CCSER1: variants seen among roughly 807,000 people sequenced by gnomAD.
CCSER1 encodes serine-rich coiled-coil domain-containing protein 1.
Under a neutral mutation model 82.0 loss-of-function variants are expected in CCSER1, and 41 were observed. The ratio of observed to expected loss-of-function variants is 0.50; its 90% CI spans 0.39 to 0.65. The LOEUF is 0.65. Ranked by LOEUF, CCSER1 falls within the 30% of genes least tolerant of loss-of-function variation. CCSER1 has a pLI of 0.00. For missense variants in CCSER1, 1,119 were observed against 1,064.2 expected (o/e 1.05, Z -0.72); for synonymous variants, 414 against 383.9 (o/e 1.08, Z -0.92).
intron 6 of CCSER1, among the ~76,000 whole-genome samples, chr4:90,694,575 A>G (rs1007358401): frequency 6.6e-6 from 1 of 152,022 alleles, no homozygotes. Flanking sequence ...GTTTTGTGCA[A>G]TTGCTCAAAG....
At chr4:90,880,263 G>A (rs1057200899) in intron 8 of CCSER1, among the ~76,000 whole-genome samples, 9 of 152,136 alleles carry the variant, frequency 5.9e-5, no homozygotes, top group Non-Finnish European at 1.0e-4. Context: ...AACACCAGAG[G>A]AAGGAACCTT....
chr4:90,444,027 GT>G (rs1290438235), intron 4 of CCSER1, among the ~76,000 whole-genome samples: 2 of 151,980 alleles, frequency 1.3e-5, no homozygotes, highest in Non-Finnish European at 2.9e-5. Flanking sequence ...GTGAATTTGT[GT>G]TTTGGGACAA....
At chr4:91,115,330 C>CT (rs1159601333) in intron 10 of CCSER1, among the ~76,000 whole-genome samples, 1 of 151,698 alleles carries the variant, frequency 6.6e-6, no homozygotes, top group African/African-American at 2.4e-5. Context: ...TTTTTTCTTT[C>CT]TTTTTTTTCT....
At chr4:91,427,725 A>G (rs1754070932) in intron 10 of CCSER1, among the ~76,000 whole-genome samples, 1 of 152,154 alleles carries the variant, frequency 6.6e-6, no homozygotes, top group South Asian at 2.1e-4. Context: ...ATAAAATAAT[A>G]TAATAATTGT....
At chr4:90,874,702 C>A (rs370280936) in intron 8 of CCSER1, among the ~76,000 whole-genome samples, 1 of 152,136 alleles carries the variant, frequency 6.6e-6, no homozygotes, top group African/African-American at 2.4e-5. Flanking sequence ...CCCTTGTTTT[C>A]TTCTCCTTGC....
intron 6 of CCSER1, among the ~76,000 whole-genome samples, chr4:90,655,627 C>T (rs1029031177): frequency 6.6e-6 from 1 of 151,854 alleles, no homozygotes; most frequent in Non-Finnish European, 1.5e-5. Flanking sequence ...TCTGGTCTGA[C>T]CTAGATCTTT....
intron 4 of CCSER1, among the ~76,000 whole-genome samples, chr4:90,449,812 G>C (rs944160732): frequency 6.6e-6 from 1 of 152,218 alleles, no homozygotes; most frequent in Non-Finnish European, 1.5e-5. Context: ...CCCAGAGAGT[G>C]CATGGATGCC....
At chr4:90,878,523 A>G (rs1356590512) in intron 8 of CCSER1, among the ~76,000 whole-genome samples, 1 of 152,128 alleles carries the variant, frequency 6.6e-6, no homozygotes, top group Non-Finnish European at 1.5e-5. Context: ...AATGAATAAT[A>G]TATCTGGGAA....
At chr4:91,145,814 G>A (rs543100213) in intron 10 of CCSER1, among the ~76,000 whole-genome samples, 2 of 152,228 alleles carry the variant, frequency 1.3e-5, no homozygotes, top group East Asian at 1.9e-4. Flanking sequence ...TCAAGCCAAG[G>A]TGTCAACTGT....
At chr4:90,922,697 A>G (rs144703038) in intron 8 of CCSER1, among the ~76,000 whole-genome samples, 60 of 152,266 alleles carry the variant, frequency 3.9e-4, no homozygotes, top group African/African-American at 1.3e-3. Flanking sequence ...TAGTAAATAC[A>G]TTACATAATA....
chr4:90,658,089 G>A lies in CCSER1; in HGVS notation c.1932+29857G>A, dbSNP rs140700059. ...ACGGCACTCCAGCTTGGGTGACAGA[G>A]TGAGACTCTGTCTCGAAAATAAAAA... On this transcript the variant is annotated intron_variant, in intron 6 of 10. Transcript: ENST00000509176. 5.9e-5 allele frequency among the ~76,000 whole-genome samples: 9 copies of A among 152,262 alleles called. No individual in the cohort carries two copies. The South Asian group carries it at 1.9e-3, about 32-fold the overall frequency.
rs1745720191 is a variant in CCSER1, at chr4:90,363,391, C to G, written c.1510-36645C>G. On this transcript the variant is annotated intron_variant, in intron 3 of 10. Transcript: ENST00000509176. ...CTAATCCTGAAGAGAAAATCATAGA[C>G]TTTTTGACATATAATAGTTGCCACA... 2.0e-5 allele frequency among the ~76,000 whole-genome samples: 3 copies of G among 152,122 alleles called. No individual in the cohort carries two copies. The South Asian group carries it at 6.2e-4, about 32-fold the overall frequency.
intron 9 of CCSER1, among the ~76,000 whole-genome samples, chr4:90,950,533 C>A (rs939413815): frequency 1.3e-5 from 2 of 149,724 alleles, no homozygotes; most frequent in African/African-American, 2.4e-5. Flanking sequence ...CGTGCACACA[C>A]ACACATACAC....
At chr4:90,541,306 G>T (rs957600304) in intron 5 of CCSER1, among the ~76,000 whole-genome samples, 1 of 151,938 alleles carries the variant, frequency 6.6e-6, no homozygotes, top group Non-Finnish European at 1.5e-5. Flanking sequence ...TCTACCATTC[G>T]CTACTGCTCA....
chr4:90,976,009 T>C (rs1735581290), intron 9 of CCSER1, among the ~76,000 whole-genome samples: 1 of 151,288 alleles, frequency 6.6e-6, no homozygotes, highest in South Asian at 2.1e-4. Context: ...TGACCTTAAC[T>C]TCTCATTTAA....
chr4:90,771,502 A>C (rs893570066), intron 7 of CCSER1, among the ~76,000 whole-genome samples: 14 of 150,916 alleles, frequency 9.3e-5, no homozygotes, highest in African/African-American at 2.7e-4. Context: ...TTTTAGCTAG[A>C]AAGGTATAAC....
chr4:90,168,161 G>A lies in CCSER1; in HGVS notation c.-42+40330G>A, dbSNP rs551036984. Among the ~76,000 whole-genome samples, 40 of 152,102 alleles carry A rather than the reference G, an allele frequency of 2.6e-4. No individual in the cohort carries two copies. The South Asian group carries it at 6.4e-3, about 24-fold the overall frequency. Reference sequence around the variant, plus strand: ...GTTGTTTCCTGACTTTTTAATGATCGCCATTCTAACTGGTGTGAGATGATA... The same window carrying A: ...GTTGTTTCCTGACTTTTTAATGATCACCATTCTAACTGGTGTGAGATGATA... On this transcript the variant is annotated intron_variant, in intron 1 of 10. Coordinates refer to ENST00000509176, the MANE Select transcript of CCSER1 (RefSeq NM_001145065.2).
At chr4:90,276,254 C>G (rs1382537964) in intron 1 of CCSER1, among the ~76,000 whole-genome samples, 43 of 75,660 alleles carry the variant, frequency 5.7e-4, no homozygotes, top group African/African-American at 2.2e-3. Context: ...TTCTTTCTTT[C>G]CTTCCTTCCT....
intron 10 of CCSER1, among the ~76,000 whole-genome samples, chr4:91,482,254 T>G (rs1757965742): frequency 8.1e-6 from 1 of 122,820 alleles, no homozygotes; most frequent in Non-Finnish European, 1.7e-5. Flanking sequence ...TACAAAAAAT[T>G]AGCCGGGCGC....
Sources: allele counts gnomAD v4.1 joint callset (sites outside exome capture counted in the v4.1 genomes callset), GRCh38; gene constraint gnomAD v4.1.1; transcripts MANE v1.5; gene names NCBI Gene and HGNC (gene_info 2026-07-23, HGNC 2026-07-21).